DYNC2H1: variants seen among roughly 807,000 people sequenced by gnomAD.
DYNC2H1 encodes cytoplasmic dynein 2 heavy chain 1.
In DYNC2H1, 410 loss-of-function variants were observed where a neutral mutation model predicts 570.0. That is an observed-to-expected ratio of 0.72 (90% CI 0.66 to 0.78). DYNC2H1 has a LOEUF of 0.78. DYNC2H1 is among the 30% of genes least tolerant of loss of function. DYNC2H1 has a pLI of 0.00. For missense variants in DYNC2H1, 4,865 were observed against 5,046.4 expected, an observed-to-expected ratio of 0.96 and a Z score of 1.09; for synonymous variants, 1,688 against 1,677.6, an observed-to-expected ratio of 1.01 and a Z score of -0.15.
At chr11:103,380,922 A>G (rs1393949681) in intron 83 of DYNC2H1, among the ~76,000 whole-genome samples, 3 of 152,188 alleles carry the variant, frequency 2.0e-5, no homozygotes, top group Non-Finnish European at 4.4e-5. Context: ...AATACCTGCC[A>G]TGTTTGTTAT....
Position 103,440,786 on chromosome 11 carries a change from T to C in DYNC2H1, c.12456+4754T>C, listed in dbSNP as rs76334836. ...AAAATTTTTGGAATCATTGTTTACT[T>C]CTCTCCTCTCACACTTTATATCCAG... On this transcript the variant is annotated intron_variant, in intron 85 of 88. Transcript: ENST00000375735. Among the ~76,000 whole-genome samples, 550 of 152,210 alleles carry C rather than the reference T, an allele frequency of 3.6e-3. 3 individuals are homozygous for C. Among genetic ancestry groups the C allele is most frequent in the African/African-American group, 0.013 (524 of 41,526 alleles).
intron 68 of DYNC2H1, 84 bp from the exon 69 acceptor site, chr11:103,257,524 T>C: frequency 7.7e-7 from 1 of 1,291,310 alleles, no homozygotes; most frequent in South Asian, 2.4e-5. Context: ...TGGGTAGATA[T>C]GTGCATTGTA....
chr11:103,436,549 TG>T (rs1944067465), intron 85 of DYNC2H1, among the ~76,000 whole-genome samples: 1 of 31,410 alleles, frequency 3.2e-5, no homozygotes, highest in African/African-American at 2.4e-4. Flanking sequence ...TGTCTTCCTC[TG>T]CTTGTTGCAC....
At chr11:103,212,039 A>G (rs1863177233) in intron 54 of DYNC2H1, 96 bp downstream of exon 54, 1 of 1,264,452 alleles carries the variant, frequency 7.9e-7, no homozygotes, top group Non-Finnish European at 1.0e-6. Flanking sequence ...TATATCTGGT[A>G]TTAATAAATG....
intron 84 of DYNC2H1, among the ~76,000 whole-genome samples, chr11:103,401,247 A>C (rs1942629081): frequency 6.6e-6 from 1 of 152,192 alleles, no homozygotes; most frequent in African/African-American, 2.4e-5. Context: ...TGTCATAATA[A>C]ATGTAAATGC....
intron 70 of DYNC2H1, among the ~76,000 whole-genome samples, chr11:103,267,115 C>T (rs949109405): frequency 5.8e-4 from 89 of 152,218 alleles, no homozygotes; most frequent in African/African-American, 2.0e-3. Flanking sequence ...GCCCGGGTTC[C>T]AGAGGCCTGT....
In DYNC2H1 at chr11:103,236,433, TTGATC is replaced by T. The variant is rs1864223131; in HGVS notation, c.9717_9721del (p.Asp3239GlufsTer7). On this transcript the variant is annotated frameshift_variant, in exon 63 of 89. Transcript: ENST00000375735. LOFTEE classifies it high-confidence loss of function. The stretch of plus-strand genomic sequence containing the variant: ...ATCAATATCTTCAACTTTTCAGAAT[TTGATC>T]TGAGGAGATTTCTTTGTACTGAAAG... 6.3e-7 allele frequency: 1 copy of T among 1,583,162 alleles called. No homozygotes were observed. The highest frequency in any genetic ancestry group is 1.7e-5 in the Admixed American group (1 of 59,698).
chr11:103,456,360 C>T lies in DYNC2H1; in HGVS notation c.12648+4C>T. On this transcript the variant is annotated splice_donor_region_variant and intron_variant, in intron 87 of 88. Transcript: ENST00000375735. ...AGAAGCAAAGCTACAAATTAAGGTA[C>T]TAGACTAATTTTAGATCTTGGAATC... 1.9e-6 allele frequency: 3 copies of T among 1,586,920 alleles called. No homozygotes were observed. The highest frequency in any genetic ancestry group is 2.6e-6 in the Non-Finnish European group (3 of 1,165,082).
chr11:103,338,599 G>A (rs912360077), intron 82 of DYNC2H1, among the ~76,000 whole-genome samples: 2 of 152,030 alleles, frequency 1.3e-5, no homozygotes, highest in African/African-American at 2.4e-5. Flanking sequence ...GATCAGTTCT[G>A]CTGTTGAGAC....
chr11:103,113,534 T>A lies in DYNC2H1; in HGVS notation c.196-3T>A. The A allele has an allele frequency of 6.5e-7, 1 of 1,541,308 alleles. No individual in the cohort carries two copies. Among genetic ancestry groups the A allele is most frequent in the Non-Finnish European group, 8.7e-7 (1 of 1,151,842 alleles). ...TAACATTAAAAATCATTTATCACTT[T>A]AGATTGAGTTTGGTGACACAAAAGA... On this transcript the variant is annotated splice_polypyrimidine_tract_variant and splice_region_variant and intron_variant, in intron 1 of 88. Coordinates refer to ENST00000375735, the MANE Select transcript of DYNC2H1 (RefSeq NM_001377.3).
rs1386619979 is a variant in DYNC2H1 at position 103,256,167 on chromosome 11, A to C, written c.10388A>C (p.Gln3463Pro). 6.2e-7 allele frequency: 1 copy of C among 1,609,092 alleles called. No homozygotes were observed. Among genetic ancestry groups the C allele is most frequent in the South Asian group, 1.1e-5 (1 of 90,276 alleles). The change falls in exon 68 of 89, where the codon CAG (glutamine) becomes CCG (proline). Residue 3463 changes from glutamine (Q) to proline (P), a missense_variant. Physicochemically the swap from Gln to Pro is moderately conservative, Grantham distance 76 (BLOSUM62 -1). Transcript: ENST00000375735. The surrounding 1 kb of genome is among the most constrained non-coding windows in gnomAD (Gnocchi z 4.0). ...AAGGATTTGATTGAGTCTTTGAATC[A>C]GACAAAAGCAAGCAGTGCACTTATT... ...ENKDLIESLN[Q>P]TKASSALIQE...
intron 87 of DYNC2H1, among the ~76,000 whole-genome samples, chr11:103,457,237 T>G (rs1013638090): frequency 7.9e-5 from 12 of 152,236 alleles, no homozygotes; most frequent in African/African-American, 2.9e-4. Flanking sequence ...CGTTCATGCT[T>G]TATGTATTTA....
At chr11:103,310,648 A>ACTTAATAC (rs1867534638) in intron 78 of DYNC2H1, among the ~76,000 whole-genome samples, 1 of 139,670 alleles carries the variant, frequency 7.2e-6, no homozygotes, top group Non-Finnish European at 1.5e-5. Context: ...TTTGATAGGT[A>ACTTAATAC]CTTAATACTT....
At chr11:103,351,593 T>C (rs1940057756) in intron 82 of DYNC2H1, among the ~76,000 whole-genome samples, 1 of 151,358 alleles carries the variant, frequency 6.6e-6, no homozygotes, top group Non-Finnish European at 1.5e-5. Flanking sequence ...TTGAGAAGAT[T>C]ATATATTTTT....
At chr11:103,388,415 A>G (rs143568076) in intron 83 of DYNC2H1, among the ~76,000 whole-genome samples, 1,861 of 152,244 alleles carry the variant, frequency 0.012, 34 homozygotes, top group African/African-American at 0.042. Flanking sequence ...TGAGACAATG[A>G]GGTTTTCTAG....
At chr11:103,146,567 A>G (rs912875640) in intron 18 of DYNC2H1, among the ~76,000 whole-genome samples, 2 of 152,184 alleles carry the variant, frequency 1.3e-5, no homozygotes, top group Admixed American at 1.3e-4. Context: ...ATACACTTAT[A>G]AAATGTAGAT....
chr11:103,218,270 C>T (rs1008280135), intron 55 of DYNC2H1, among the ~76,000 whole-genome samples: 1 of 152,008 alleles, frequency 6.6e-6, no homozygotes, highest in East Asian at 1.9e-4. Flanking sequence ...TACACTTAAG[C>T]GAAAACAGCC....
chr11:103,460,975 G>T (rs1944990705), intron 87 of DYNC2H1, among the ~76,000 whole-genome samples: 2 of 152,066 alleles, frequency 1.3e-5, no homozygotes, highest in South Asian at 4.1e-4. Flanking sequence ...TGTTAGTAAT[G>T]TATTTCCACA....
rs945286404 is a variant in DYNC2H1, at chr11:103,264,895, AG to A, written c.10695+4921del. 4.7e-4 allele frequency among the ~76,000 whole-genome samples: 72 copies of A among 152,324 alleles called. No individual in the cohort carries two copies. The highest frequency in any genetic ancestry group is 1.7e-3 in the African/African-American group (71 of 41,574). On this transcript the variant is annotated intron_variant, in intron 70 of 88. Transcript: ENST00000375735. The surrounding 1 kb of genome is among the most constrained non-coding windows in gnomAD (Gnocchi z 4.8). ...GCAAAGTGGCAAGAGAAAGAAATAA[AG>A]GGTATTCAGATAGGAAGAGAGAAAG...
Sources: gnomAD v4.1 joint callset for allele counts (sites outside exome capture counted in the v4.1 genomes callset) on GRCh38, gnomAD v4.1.1 for gene constraint, Gnocchi (gnomAD v3.1) non-coding constraint, MANE v1.5 for transcripts, NCBI Gene and HGNC (gene_info 2026-07-23, HGNC 2026-07-21) for gene names.